The following SMYD3 variants were observed in gnomAD, a reference collection of about 807,000 sequenced individuals.
The protein encoded by SMYD3 is SET and MYND domain containing 3, also known as histone-lysine N-methyltransferase SMYD3.
Under a neutral mutation model 57.7 loss-of-function variants are expected in SMYD3, and 36 were observed. The ratio of observed to expected loss-of-function variants is 0.62; its 90% CI spans 0.48 to 0.82. The LOEUF (loss-of-function observed/expected upper bound fraction) is 0.82. SMYD3 is among the 40% of genes least tolerant of loss of function. SMYD3 has a pLI of 0.00. For synonymous variants in SMYD3, 211 were observed against 195.0 expected (o/e 1.08, Z -0.68); for missense variants, 515 against 538.8 (o/e 0.96, Z 0.44).
intron 5 of SMYD3, among the ~76,000 whole-genome samples, chr1:246,039,782 A>G (rs1185392981): frequency 2.0e-5 from 3 of 152,184 alleles, no homozygotes. Context: ...TGATTAGGTC[A>G]TGCTGTAATG....
At chr1:246,279,161 G>A (rs1279907047) in intron 5 of SMYD3, among the ~76,000 whole-genome samples, 6 of 152,178 alleles carry the variant, frequency 3.9e-5, no homozygotes, top group Admixed American at 1.3e-4. Flanking sequence ...CACACCCCTT[G>A]GCTCTAAGTG....
At chr1:245,871,671 T>C (rs971534905) in intron 8 of SMYD3, among the ~76,000 whole-genome samples, 2 of 152,256 alleles carry the variant, frequency 1.3e-5, no homozygotes, top group Non-Finnish European at 2.9e-5. Flanking sequence ...ATATCCCTGC[T>C]GCCGAGCTGT....
At chr1:245,895,707 C>T (rs541480780) in intron 8 of SMYD3, among the ~76,000 whole-genome samples, 2 of 152,306 alleles carry the variant, frequency 1.3e-5, no homozygotes, top group South Asian at 2.1e-4. Flanking sequence ...CCGGTTTTCA[C>T]GGTTTACAGG....
intron 5 of SMYD3, among the ~76,000 whole-genome samples, chr1:246,303,589 A>G (rs944439936): frequency 6.6e-6 from 1 of 152,100 alleles, no homozygotes; most frequent in Admixed American, 6.6e-5. Flanking sequence ...CATTTCAAAC[A>G]TATTTTATTT....
chr1:246,335,311 A>G (rs531417443), intron 3 of SMYD3, 56 bp downstream of exon 3: 41 of 1,453,286 alleles, frequency 2.8e-5, no homozygotes, highest in Non-Finnish European at 8.7e-6. Flanking sequence ...GGAAAATGCA[A>G]TTGCATATGT....
intron 1 of SMYD3, among the ~76,000 whole-genome samples, chr1:246,398,398 G>A (rs10802400): frequency 0.32 from 49,404 of 152,158 alleles, 8,417 homozygotes; most frequent in Non-Finnish European, 0.36. Flanking sequence ...CTTAGAAGGC[G>A]GAGTCAGCCA....
intron 10 of SMYD3, among the ~76,000 whole-genome samples, chr1:245,776,600 A>G (rs1029315406): frequency 2.0e-5 from 3 of 152,258 alleles, no homozygotes; most frequent in African/African-American, 4.8e-5. Context: ...ATTGAAATCA[A>G]TCACTACAGA....
At chr1:246,503,685 G>A (rs556309218) in intron 1 of SMYD3, among the ~76,000 whole-genome samples, 62 of 152,218 alleles carry the variant, frequency 4.1e-4, no homozygotes, top group Non-Finnish European at 7.4e-4. Context: ...ATTTCAGGCC[G>A]GGGACAGCGG....
intron 5 of SMYD3, among the ~76,000 whole-genome samples, chr1:246,200,249 A>G (rs12757321): frequency 3.7e-4 from 48 of 129,898 alleles, no homozygotes; most frequent in South Asian, 5.2e-4. Flanking sequence ...TGCCCACTGT[A>G]ATAGAGTAGA....
intron 5 of SMYD3, among the ~76,000 whole-genome samples, chr1:246,028,897 G>A (rs1432810408): frequency 1.3e-5 from 2 of 152,082 alleles, no homozygotes; most frequent in Non-Finnish European, 2.9e-5. Context: ...CAAACCATTA[G>A]CATAGAATAG....
chr1:246,176,670 G>A (rs771829158), intron 5 of SMYD3, among the ~76,000 whole-genome samples: 52 of 152,092 alleles, frequency 3.4e-4, no homozygotes, highest in Admixed American at 3.9e-4. Context: ...CCACAGGTGC[G>A]TGCCAACATG....
At chr1:246,357,612 C>T (rs541612958) in intron 1 of SMYD3, among the ~76,000 whole-genome samples, 20 of 152,110 alleles carry the variant, frequency 1.3e-4, no homozygotes, top group Non-Finnish European at 2.8e-4. Flanking sequence ...TATCTATGAA[C>T]CCCCTCTGTA....
intron 5 of SMYD3, among the ~76,000 whole-genome samples, chr1:246,205,771 A>G (rs1042294448): frequency 4.6e-5 from 7 of 152,160 alleles, no homozygotes; most frequent in Non-Finnish European, 7.3e-5. Flanking sequence ...TTGAGCTGAG[A>G]TCGTGCCACT....
chr1:245,929,950 G>T lies in SMYD3; in HGVS notation c.532-13C>A. On this transcript the variant is annotated splice_polypyrimidine_tract_variant and intron_variant, in intron 5 of 11. Transcript: ENST00000490107. ...AGTTGCAGATCACCTGTAAACACAA[G>T]GGGAACCATCAGTATTACTAGAGTC... 1 of 1,611,198 alleles carries T rather than the reference G, an allele frequency of 6.2e-7. No individual in the cohort carries two copies. Among genetic ancestry groups the T allele is most frequent in the South Asian group, 1.1e-5 (1 of 90,982 alleles).
chr1:245,888,586 C>G (rs1215729597), intron 8 of SMYD3, among the ~76,000 whole-genome samples: 1 of 152,204 alleles, frequency 6.6e-6, no homozygotes, highest in African/African-American at 2.4e-5. Flanking sequence ...CATTTCTCCT[C>G]TCTGCAAAAT....
At chr1:246,046,548 A>G (rs2059968874) in intron 5 of SMYD3, among the ~76,000 whole-genome samples, 1 of 151,848 alleles carries the variant, frequency 6.6e-6, no homozygotes, top group Admixed American at 6.6e-5. Context: ...TGGGTGCAGC[A>G]CACCAACATG....
At chr1:246,483,924 G>A (rs1273609988) in intron 1 of SMYD3, among the ~76,000 whole-genome samples, 1 of 152,104 alleles carries the variant, frequency 6.6e-6, no homozygotes, top group Non-Finnish European at 1.5e-5. Context: ...CAACTCCTTA[G>A]ATGTGAAACC....
intron 1 of SMYD3, among the ~76,000 whole-genome samples, chr1:246,427,519 C>CAAA (rs200791623): frequency 7.4e-6 from 1 of 135,788 alleles, no homozygotes; most frequent in Non-Finnish European, 1.6e-5. Context: ...GACTCCGTCT[C>CAAA]AAAAAAAAAA....
intron 5 of SMYD3, among the ~76,000 whole-genome samples, chr1:246,178,331 T>C (rs1043506057): frequency 4.8e-5 from 7 of 147,354 alleles, no homozygotes; most frequent in African/African-American, 1.9e-4. Context: ...GGAGCTACTC[T>C]GAAAAGATTA....
Sources: allele counts gnomAD v4.1 joint callset (sites outside exome capture counted in the v4.1 genomes callset), GRCh38; gene constraint gnomAD v4.1.1; transcripts MANE v1.5; gene names NCBI Gene and HGNC (gene_info 2026-07-23, HGNC 2026-07-21).